HCN1: variants seen among roughly 807,000 people sequenced by gnomAD.
The protein encoded by HCN1 is hyperpolarization activated cyclic nucleotide gated potassium channel 1, also known as potassium/sodium hyperpolarization-activated cyclic nucleotide-gated channel 1.
In HCN1, 13 loss-of-function variants were observed where a neutral mutation model predicts 78.9. The ratio of observed to expected loss-of-function variants is 0.16; its 90% CI spans 0.11 to 0.26. The LOEUF (loss-of-function observed/expected upper bound fraction) is 0.26, where lower values mean the gene tolerates loss of function less well. HCN1 is among the 10% of genes least tolerant of loss of function. The probability of loss-of-function intolerance (pLI) is 1.00; values close to 1 mark genes in which losing one functional copy is unlikely to be tolerated. For missense variants in HCN1, 810 were observed against 1,154.3 expected (o/e 0.70, Z 4.32); for synonymous variants, 552 against 455.5 (o/e 1.21, Z -2.70).
intron 6 of HCN1, among the ~76,000 whole-genome samples, chr5:45,281,403 C>A (rs1344112893): frequency 2.0e-5 from 3 of 151,944 alleles, no homozygotes; most frequent in Admixed American, 2.0e-4. Context: ...GAGGCCTCCC[C>A]AGCCATGCTT....
chr5:45,526,483 C>T (rs1742737913), intron 2 of HCN1, among the ~76,000 whole-genome samples: 1 of 152,178 alleles, frequency 6.6e-6, no homozygotes, highest in Admixed American at 6.6e-5. Context: ...CACTCTCTAC[C>T]TTTCTCTTAT....
chr5:45,422,283 T>C (rs912580536), intron 3 of HCN1, among the ~76,000 whole-genome samples: 1 of 152,238 alleles, frequency 6.6e-6, no homozygotes, highest in Non-Finnish European at 1.5e-5. Context: ...TTTCCCTGTT[T>C]CTGTGGGTCT....
chr5:45,584,980 C>G (rs1324822122), intron 2 of HCN1, among the ~76,000 whole-genome samples: 1 of 152,164 alleles, frequency 6.6e-6, no homozygotes, highest in Non-Finnish European at 1.5e-5. Context: ...TTCATTTCAA[C>G]TTTGGTGAAT....
intron 4 of HCN1, among the ~76,000 whole-genome samples, chr5:45,375,159 A>T (rs1244979749): frequency 1.6e-5 from 2 of 121,858 alleles, no homozygotes; most frequent in Non-Finnish European, 3.2e-5. Context: ...TGTATTATAT[A>T]TAATATATTT....
chr5:45,322,622 T>C (rs1193718775), intron 5 of HCN1, among the ~76,000 whole-genome samples: 4 of 151,868 alleles, frequency 2.6e-5, no homozygotes, highest in Non-Finnish European at 4.4e-5. Flanking sequence ...AAGGTAATTT[T>C]ACACAATATT....
chr5:45,300,856 G>A (rs368876717), intron 6 of HCN1, among the ~76,000 whole-genome samples: 4 of 151,936 alleles, frequency 2.6e-5, no homozygotes, highest in South Asian at 2.1e-4. Context: ...TTCCTAATCT[G>A]CTTTTTTCTT....
intron 4 of HCN1, among the ~76,000 whole-genome samples, chr5:45,396,081 G>A (rs946549788): frequency 6.6e-6 from 1 of 152,104 alleles, no homozygotes; most frequent in Admixed American, 6.5e-5. Context: ...ATAGATGAGG[G>A]GGGGTACAGA....
chr5:45,531,815 G>A (rs924120523), intron 2 of HCN1, among the ~76,000 whole-genome samples: 8 of 152,086 alleles, frequency 5.3e-5, no homozygotes, highest in South Asian at 2.1e-4. Flanking sequence ...CAAGGTGGGC[G>A]GATTGCCTGA....
intron 2 of HCN1, among the ~76,000 whole-genome samples, chr5:45,594,411 G>A (rs1481017670): frequency 6.6e-6 from 1 of 152,096 alleles, no homozygotes; most frequent in Non-Finnish European, 1.5e-5. Flanking sequence ...CCTCTCTACT[G>A]AATGAAAAGA....
intron 2 of HCN1, among the ~76,000 whole-genome samples, chr5:45,533,784 C>T (rs560527253): frequency 1.3e-5 from 2 of 152,116 alleles, no homozygotes; most frequent in African/African-American, 2.4e-5. Flanking sequence ...TTTTTTCTCA[C>T]CTCTCAGGAA....
intron 1 of HCN1, among the ~76,000 whole-genome samples, chr5:45,675,172 G>A (rs531225193): frequency 6.6e-6 from 1 of 151,776 alleles, no homozygotes; most frequent in South Asian, 2.1e-4. Flanking sequence ...TACAGATAAT[G>A]TGTAGAACCC....
intron 2 of HCN1, among the ~76,000 whole-genome samples, chr5:45,487,827 T>C (rs1050823912): frequency 3.3e-5 from 5 of 152,086 alleles, no homozygotes; most frequent in Non-Finnish European, 7.4e-5. Context: ...ATCTTGAAAG[T>C]CTGAATTAAG....
chr5:45,365,629 C>A (rs771210424), intron 4 of HCN1, among the ~76,000 whole-genome samples: 1 of 151,756 alleles, frequency 6.6e-6, no homozygotes, highest in Non-Finnish European at 1.5e-5. Flanking sequence ...TTTGTCATTG[C>A]GAATAGGGCT....
chr5:45,300,020 G>A (rs185798793), intron 6 of HCN1, among the ~76,000 whole-genome samples: 5 of 151,956 alleles, frequency 3.3e-5, no homozygotes, highest in Non-Finnish European at 5.9e-5. Flanking sequence ...TGTACTAATA[G>A]TTTAACCCAC....
chr5:45,507,050 C>A (rs965491599), intron 2 of HCN1, among the ~76,000 whole-genome samples: 3 of 151,972 alleles, frequency 2.0e-5, no homozygotes, highest in Admixed American at 6.6e-5. Flanking sequence ...GGATAGAATA[C>A]AATATCAATT....
intron 4 of HCN1, among the ~76,000 whole-genome samples, chr5:45,391,292 A>G (rs916306929): frequency 3.9e-5 from 6 of 152,236 alleles, no homozygotes; most frequent in African/African-American, 1.4e-4. Flanking sequence ...TACTCAGTCG[A>G]TATGATTTTT....
intron 1 of HCN1, among the ~76,000 whole-genome samples, chr5:45,653,725 A>T (rs1206957658): frequency 6.6e-6 from 1 of 152,098 alleles, no homozygotes; most frequent in African/African-American, 2.4e-5. Flanking sequence ...AACAATGAGA[A>T]CACATGGACA....
chr5:45,286,031 T>C (rs1579779909), intron 6 of HCN1, among the ~76,000 whole-genome samples: 1 of 151,860 alleles, frequency 6.6e-6, no homozygotes, highest in Admixed American at 6.6e-5. Context: ...AAAAAAAAAC[T>C]AAGTTTCTAA....
chr5:45,464,357 A>G (rs889921024), intron 2 of HCN1, among the ~76,000 whole-genome samples: 1 of 152,092 alleles, frequency 6.6e-6, no homozygotes, highest in African/African-American at 2.4e-5. Flanking sequence ...ATCTGCTACC[A>G]AATAGTCATT....
Sources: gnomAD v4.1 joint callset for allele counts (sites outside exome capture counted in the v4.1 genomes callset) on GRCh38, gnomAD v4.1.1 for gene constraint, MANE v1.5 for transcripts, NCBI Gene and HGNC (gene_info 2026-07-23, HGNC 2026-07-21) for gene names.